The following ADGRG2 variants were observed in gnomAD, a reference collection of about 807,000 sequenced individuals.
ADGRG2 encodes G protein-coupled receptor 64.
ADGRG2 carries 26 observed loss-of-function variants against 74.1 expected under a neutral mutation model. The ratio of observed to expected loss-of-function variants is 0.35; its 90% CI spans 0.26 to 0.49. The LOEUF is 0.49. Ranked by LOEUF, ADGRG2 falls within the 20% of genes least tolerant of loss-of-function variation. The probability of loss-of-function intolerance (pLI) is 0.99; values close to 1 mark genes in which losing one functional copy is unlikely to be tolerated. For synonymous variants in ADGRG2, 296 were observed against 295.2 expected, an observed-to-expected ratio of 1.00 and a Z score of -0.03; for missense variants, 619 against 763.1, an observed-to-expected ratio of 0.81 and a Z score of 2.22.
In ADGRG2 at chrX:18,989,400, T is replaced by A. The variant is rs765039407; in HGVS notation, c.*1464A>T. ...AAAATTAAATAAATCAGAAAAGAAA[T>A]ATTGCAAAGACAAGTCAGCACTCAC... On this transcript the variant is annotated 3_prime_UTR_variant, in exon 29 of 29. Coordinates refer to ENST00000379869, the MANE Select transcript of ADGRG2 (RefSeq NM_001079858.3). The A allele has an allele frequency of 1.8e-4, 20 of 112,709 alleles. No individual in the cohort carries two copies. The highest frequency in any genetic ancestry group is 1.3e-3 in the Admixed American group (14 of 10,642). The allele number at this position is 112,709 out of a possible 1,213,427, so 9.3% of individuals were successfully genotyped here.
At chrX:19,009,555 A>G (rs1289720743) in intron 18 of ADGRG2, 71 bp downstream of exon 18, 1 of 972,517 alleles carries the variant, frequency 1.0e-6, no homozygotes, top group African/African-American at 1.9e-5. Flanking sequence ...AATTGCCTCA[A>G]TCATGAAATA....
At chrX:19,082,093 A>G (rs1292761743) in intron 2 of ADGRG2, among the ~76,000 whole-genome samples, 1 of 107,740 alleles carries the variant, frequency 9.3e-6, no homozygotes, top group Non-Finnish European at 1.9e-5. Flanking sequence ...AAAAAAAAAA[A>G]AAAAGAAAAG....
At chrX:19,062,689 C>T (rs748936983) in intron 3 of ADGRG2, among the ~76,000 whole-genome samples, 1 of 111,092 alleles carries the variant, frequency 9.0e-6, no homozygotes, top group South Asian at 3.9e-4. Context: ...CCGACTTCCT[C>T]GCAAGGAAGA....
chrX:19,016,517 GTTTTTAT>G (rs936242928), intron 15 of ADGRG2, among the ~76,000 whole-genome samples: 35 of 109,741 alleles, frequency 3.2e-4, no homozygotes, highest in South Asian at 2.3e-3. Context: ...ATGTATTTTT[GTTTTTAT>G]TTTTTATTTT....
In ADGRG2 at chrX:19,066,445, C is replaced by CTTTTT. The variant is rs1225489257; in HGVS notation, c.118+2267_118+2271dup. Among the ~76,000 whole-genome samples, 47 of 39,942 alleles carry CTTTTT rather than the reference C, an allele frequency of 1.2e-3. 6 individuals are homozygous for CTTTTT. The highest frequency in any genetic ancestry group is 3.6e-3 in the African/African-American group (32 of 8,932). 34.7% of individuals were successfully genotyped at this position (39,942 alleles called of 115,157 possible). A position where few individuals can be genotyped will look rare whatever the true frequency, so the allele number is the denominator to read the frequency against. ...AGTCCCATTCCTAATGAGGATGCTT[C>CTTTTT]TTTTTTTTTTTTTTTTTTTTTTTTT... On this transcript the variant is annotated intron_variant, in intron 3 of 28. Coordinates refer to ENST00000379869, the MANE Select transcript of ADGRG2 (RefSeq NM_001079858.3).
At chrX:19,051,367 C>T (rs1279981600) in intron 3 of ADGRG2, among the ~76,000 whole-genome samples, 1 of 111,517 alleles carries the variant, frequency 9.0e-6, no homozygotes, top group Non-Finnish European at 1.9e-5. Context: ...AGCCACCGCG[C>T]CCGGCCCCAT....
chrX:19,059,528 A>G (rs1320111912), intron 3 of ADGRG2, among the ~76,000 whole-genome samples: 1 of 111,355 alleles, frequency 9.0e-6, no homozygotes, highest in Non-Finnish European at 1.9e-5. Context: ...AAAGACCTAC[A>G]GGAGTGTCCA....
chrX:19,102,747 C>T (rs2062211225), intron 1 of ADGRG2, among the ~76,000 whole-genome samples: 1 of 110,343 alleles, frequency 9.1e-6, no homozygotes, highest in Non-Finnish European at 1.9e-5. Flanking sequence ...TCTCCCTCCC[C>T]GCTTCCCCCA....
intron 27 of ADGRG2, 57 bp from the exon 28 acceptor site, chrX:18,995,105 A>G: frequency 2.2e-6 from 2 of 914,382 alleles, no homozygotes; most frequent in Admixed American, 5.4e-5. Context: ...CTCAAACGCA[A>G]GAGACAGATC....
At chrX:18,995,671 C>T (rs1237179382) in intron 27 of ADGRG2, among the ~76,000 whole-genome samples, 1 of 111,982 alleles carries the variant, frequency 8.9e-6, no homozygotes, top group Non-Finnish European at 1.9e-5. Flanking sequence ...ACAAATAAAG[C>T]AACTGACAAC....
At chrX:19,114,877 A>G (rs1374475740) in intron 1 of ADGRG2, among the ~76,000 whole-genome samples, 1 of 111,655 alleles carries the variant, frequency 9.0e-6, no homozygotes, top group Non-Finnish European at 1.9e-5. Flanking sequence ...CCTACTGCTT[A>G]CCTTCTGTAT....
intron 3 of ADGRG2, among the ~76,000 whole-genome samples, chrX:19,049,441 T>G (rs1472217341): frequency 4.1e-5 from 4 of 98,503 alleles, no homozygotes; most frequent in African/African-American, 4.2e-5. Context: ...TTTTTGTGTT[T>G]TTTTTTTTTT....
At chrX:19,093,633 C>T (rs1779645494) in intron 1 of ADGRG2, among the ~76,000 whole-genome samples, 1 of 111,299 alleles carries the variant, frequency 9.0e-6, no homozygotes, top group African/African-American at 3.3e-5. Flanking sequence ...ATTAAGACTT[C>T]ACTAGAGTAG....
Position 19,037,674 on chromosome X carries a change from C to G in ADGRG2, c.155-38G>C, listed in dbSNP as rs199501006. 3.1e-4 allele frequency: 285 copies of G among 922,675 alleles called. 1 individual carries two copies. In the African/African-American group the frequency reaches 5.0e-3, roughly 16 times the overall value. The allele number at this position is 922,675 out of a possible 1,213,427, so 76.0% of individuals were successfully genotyped here. A position where few individuals can be genotyped will look rare whatever the true frequency, so the allele number is the denominator to read the frequency against. ...AAAAAATTAAATCAATATTTTGAAA[C>G]GATTATTTGTCAAATTTTAAAGAAT... On this transcript the variant is annotated intron_variant, in intron 4 of 28. Coordinates refer to ENST00000379869, the MANE Select transcript of ADGRG2 (RefSeq NM_001079858.3).
At chrX:19,049,330 G>A (rs1197850009) in intron 3 of ADGRG2, among the ~76,000 whole-genome samples, 1 of 111,084 alleles carries the variant, frequency 9.0e-6, no homozygotes, top group African/African-American at 3.3e-5. Context: ...ATCCATATGC[G>A]GACATCCACA....
intron 20 of ADGRG2, 28 bp downstream of exon 20, chrX:19,007,207 T>A (rs753242192): frequency 4.2e-6 from 5 of 1,204,724 alleles, no homozygotes; most frequent in Non-Finnish European, 5.6e-6. Context: ...TCCTGGTCAA[T>A]GAACAGACGG....
intron 22 of ADGRG2, 61 bp from the exon 23 acceptor site, chrX:19,004,940 A>G (rs938119188): frequency 2.6e-4 from 236 of 923,991 alleles, no homozygotes; most frequent in Non-Finnish European, 3.5e-4. Flanking sequence ...AAGACTTATG[A>G]TGTATCAAGT....
At chrX:19,049,776 G>C (rs1168394752) in intron 3 of ADGRG2, among the ~76,000 whole-genome samples, 1 of 111,147 alleles carries the variant, frequency 9.0e-6, no homozygotes, top group Non-Finnish European at 1.9e-5. Context: ...AGAAAAGATA[G>C]AGTGTGAAGA....
intron 1 of ADGRG2, among the ~76,000 whole-genome samples, chrX:19,121,432 T>G (rs780787369): frequency 7.2e-5 from 8 of 111,686 alleles, no homozygotes; most frequent in Non-Finnish European, 1.3e-4. Context: ...TTGGCCTTTA[T>G]AGTAGCAAGT....
Sources: gnomAD v4.1 joint callset for allele counts (sites outside exome capture counted in the v4.1 genomes callset) on GRCh38, gnomAD v4.1.1 for gene constraint, MANE v1.5 for transcripts, NCBI Gene and HGNC (gene_info 2026-07-23, HGNC 2026-07-21) for gene names.